The following AFAP1 variants were observed in gnomAD, a reference collection of about 807,000 sequenced individuals.
The protein encoded by AFAP1 is actin filament-associated protein 1.
In AFAP1, 75 loss-of-function variants were observed where a neutral mutation model predicts 93.9. The observed-to-expected ratio is 0.80, with a 90% CI of 0.66 to 0.97. AFAP1 has a LOEUF of 0.97. Ranked by LOEUF, AFAP1 falls within the 50% of genes least tolerant of loss-of-function variation. The pLI is 0.00. For missense variants in AFAP1, 1,201 were observed against 1,050.8 expected, an observed-to-expected ratio of 1.14 and a Z score of -1.98; for synonymous variants, 517 against 430.7, an observed-to-expected ratio of 1.20 and a Z score of -2.48.
At chr4:7,843,988 T>A (rs535364613) in intron 4 of AFAP1, among the ~76,000 whole-genome samples, 1 of 152,188 alleles carries the variant, frequency 6.6e-6, no homozygotes, top group Admixed American at 6.5e-5. Flanking sequence ...CACCTCAGGG[T>A]CTCTGCATGT....
At chr4:7,768,695 T>C (rs940905991) in intron 17 of AFAP1, 149 bp downstream of exon 17, 2 of 1,014,540 alleles carry the variant, frequency 2.0e-6, no homozygotes, top group Non-Finnish European at 2.7e-6. Context: ...GAGAACTCGA[T>C]AAGCACCCAT....
intron 1 of AFAP1, among the ~76,000 whole-genome samples, chr4:7,878,235 T>A (rs139465600): frequency 4.9e-4 from 74 of 152,290 alleles, no homozygotes; most frequent in Non-Finnish European, 8.4e-4. Context: ...GGGGGTGGCA[T>A]CGTACTACTC....
At chr4:7,771,537 T>G (rs907296619) in intron 16 of AFAP1, among the ~76,000 whole-genome samples, 1 of 152,146 alleles carries the variant, frequency 6.6e-6, no homozygotes, top group Admixed American at 6.5e-5. Context: ...CATGTGTATG[T>G]TTGGGAAGAT....
chr4:7,879,554 T>C (rs1249295453), intron 1 of AFAP1, among the ~76,000 whole-genome samples: 2 of 152,064 alleles, frequency 1.3e-5, no homozygotes, highest in African/African-American at 2.4e-5. Context: ...AAACAAAAGA[T>C]CTGACCACGG....
At chr4:7,932,093 C>T (rs907060643) in intron 1 of AFAP1, among the ~76,000 whole-genome samples, 6 of 151,896 alleles carry the variant, frequency 4.0e-5, no homozygotes, top group African/African-American at 7.3e-5. Context: ...CTCCTGACCT[C>T]GTGATCCACC....
At chr4:7,820,096 G>C (rs1297931080) in intron 6 of AFAP1, among the ~76,000 whole-genome samples, 2 of 152,326 alleles carry the variant, frequency 1.3e-5, no homozygotes, top group East Asian at 1.9e-4. Flanking sequence ...TAGCAGTGCA[G>C]GTGGCAGCAG....
chr4:7,869,605 A>T (rs774650192), intron 2 of AFAP1, among the ~76,000 whole-genome samples: 4 of 152,214 alleles, frequency 2.6e-5, no homozygotes, highest in Non-Finnish European at 5.9e-5. Context: ...TGCAGGCAGG[A>T]AAGAGGAAGA....
chr4:7,832,156 G>A (rs976080935), intron 6 of AFAP1, among the ~76,000 whole-genome samples: 1 of 152,144 alleles, frequency 6.6e-6, no homozygotes, highest in Non-Finnish European at 1.5e-5. Flanking sequence ...AATTGGTAAT[G>A]GTGGTGGCTG....
chr4:7,929,089 A>AAT (rs1720923386), intron 1 of AFAP1, among the ~76,000 whole-genome samples: 1 of 152,244 alleles, frequency 6.6e-6, no homozygotes, highest in Non-Finnish European at 1.5e-5. Flanking sequence ...GAATCAGCAC[A>AAT]CAGTTCTGCT....
chr4:7,807,057 G>A (rs531207248), intron 9 of AFAP1, among the ~76,000 whole-genome samples: 172 of 152,262 alleles, frequency 1.1e-3, no homozygotes, highest in East Asian at 6.4e-3. Context: ...GTGTGGCTCC[G>A]AGCAAGCCAT....
intron 3 of AFAP1, among the ~76,000 whole-genome samples, chr4:7,865,573 A>C (rs1716304115): frequency 6.6e-6 from 1 of 152,208 alleles, no homozygotes; most frequent in African/African-American, 2.4e-5. Context: ...AGGCCAGGGA[A>C]AGCAAGAGAC....
At chr4:7,890,476 T>A (rs1718403672) in intron 1 of AFAP1, among the ~76,000 whole-genome samples, 1 of 152,216 alleles carries the variant, frequency 6.6e-6, no homozygotes, top group Non-Finnish European at 1.5e-5. Context: ...AGGCTGAGAT[T>A]TCTTACAGCA....
chr4:7,766,680 C>A (rs144257362), intron 17 of AFAP1, among the ~76,000 whole-genome samples: 1 of 152,100 alleles, frequency 6.6e-6, no homozygotes, highest in African/African-American at 2.4e-5. Context: ...GGCAGGGGCA[C>A]GAAACCTGGA....
intron 17 of AFAP1, among the ~76,000 whole-genome samples, chr4:7,766,131 C>T (rs1199701052): frequency 2.0e-5 from 3 of 152,220 alleles, no homozygotes; most frequent in African/African-American, 7.2e-5. Context: ...CAGAAACAAA[C>T]ACCAAGCCAC....
intron 1 of AFAP1, among the ~76,000 whole-genome samples, chr4:7,938,204 A>G (rs1032164632): frequency 3.3e-5 from 5 of 151,832 alleles, no homozygotes; most frequent in African/African-American, 1.2e-4. Flanking sequence ...CAGAGAAAGC[A>G]AAAGGGCCCG....
At chr4:7,841,381 C>T (rs371639651) in intron 5 of AFAP1, among the ~76,000 whole-genome samples, 11 of 152,338 alleles carry the variant, frequency 7.2e-5, no homozygotes, top group East Asian at 5.8e-4. Context: ...AGACAGTCCC[C>T]GAGGTGGGCT....
intron 17 of AFAP1, among the ~76,000 whole-genome samples, chr4:7,766,261 T>A (rs999761392): frequency 6.6e-6 from 1 of 152,126 alleles, no homozygotes; most frequent in Admixed American, 6.5e-5. Flanking sequence ...CTGGGACAGC[T>A]ATGTGGGCCG....
rs1715187919 is a variant in AFAP1, at chr4:7,769,938, T to C, written c.2254-930A>G. The stretch of plus-strand genomic sequence containing the variant: ...GTAGTGAGTGAATACAATGGAATGA[T>C]GATCAGGACATCTGTGTCTGGCAGA... On this transcript the variant is annotated intron_variant, in intron 16 of 17. Coordinates refer to ENST00000420658, the MANE Select transcript of AFAP1 (RefSeq NM_001134647.2). Among the ~76,000 whole-genome samples, 4 of 152,256 alleles carry C rather than the reference T, an allele frequency of 2.6e-5. No individual in the cohort carries two copies. In the South Asian group the frequency reaches 8.3e-4, roughly 32 times the overall value.
In AFAP1 at chr4:7,838,542, C is replaced by T; in HGVS notation, c.708G>A (p.Gln236=). The T allele has an allele frequency of 6.2e-7, 1 of 1,613,860 alleles. No individual in the cohort carries two copies. The highest frequency in any genetic ancestry group is 8.5e-7 in the Non-Finnish European group (1 of 1,179,866). Residue 236 remains glutamine (Q), a synonymous_variant, in exon 6 of 18, where the codon CAG becomes CAA. Coordinates refer to ENST00000420658, the MANE Select transcript of AFAP1 (RefSeq NM_001134647.2). The part of the protein sequence containing the change: ...PLVLAVQSKE[Q]AEQWLKVIKE... The stretch of plus-strand genomic sequence containing the variant: ...AACCTACCTTCAGCCACTGCTCGGC[C>T]TGTTCCTTGCTCTGGACGGCGAGAA...
Sources: gnomAD v4.1 joint callset for allele counts (sites outside exome capture counted in the v4.1 genomes callset) on GRCh38, gnomAD v4.1.1 for gene constraint, MANE v1.5 for transcripts, NCBI Gene and HGNC (gene_info 2026-07-23, HGNC 2026-07-21) for gene names.